The following PRDM6 variants were observed in gnomAD, a reference collection of about 807,000 sequenced individuals.
PRDM6 encodes the protein PR/SET domain 6, also known as putative histone-lysine N-methyltransferase PRDM6.
In PRDM6, 25 loss-of-function variants were observed where a neutral mutation model predicts 60.8. That is an observed-to-expected ratio of 0.41 (90% CI 0.30 to 0.57). The LOEUF (loss-of-function observed/expected upper bound fraction) is 0.57. Ranked by LOEUF, PRDM6 falls within the 20% of genes least tolerant of loss-of-function variation. PRDM6 has a pLI of 0.27. For missense variants in PRDM6, 839 were observed against 821.3 expected (o/e 1.02, Z -0.26); for synonymous variants, 407 against 357.4 (o/e 1.14, Z -1.57).
At chr5:123,142,786 G>A (rs1374333387) in intron 3 of PRDM6, among the ~76,000 whole-genome samples, 1 of 146,974 alleles carries the variant, frequency 6.8e-6, no homozygotes, top group Non-Finnish European at 1.5e-5. Flanking sequence ...TGCTTTTCTA[G>A]CGATCCTGAA....
chr5:123,108,848 G>T (rs558693127), intron 3 of PRDM6, among the ~76,000 whole-genome samples: 2 of 152,198 alleles, frequency 1.3e-5, no homozygotes, highest in Admixed American at 1.3e-4. Flanking sequence ...TTTGGTAAAA[G>T]ATATTTGCAC....
intron 3 of PRDM6, among the ~76,000 whole-genome samples, chr5:123,147,027 A>G (rs1561852741): frequency 6.6e-6 from 1 of 152,204 alleles, no homozygotes; most frequent in Non-Finnish European, 1.5e-5. Context: ...TTATTTTTAC[A>G]GAGCTCTCTC....
chr5:123,138,001 T>G (rs387435), intron 3 of PRDM6, among the ~76,000 whole-genome samples: 49,344 of 147,950 alleles, frequency 0.33, 8,449 homozygotes, highest in Middle Eastern at 0.38. Context: ...TGCTGAAGTA[T>G]GGGAAATCCT....
intron 2 of PRDM6, among the ~76,000 whole-genome samples, chr5:123,092,217 AT>A (rs1763857765): frequency 6.6e-6 from 1 of 152,234 alleles, no homozygotes; most frequent in Non-Finnish European, 1.5e-5. Context: ...CTCCTACTGA[AT>A]TTCTTGAATG....
At chr5:123,160,385 G>T (rs1441740198) in intron 5 of PRDM6, among the ~76,000 whole-genome samples, 1 of 152,174 alleles carries the variant, frequency 6.6e-6, no homozygotes, top group African/African-American at 2.4e-5. Context: ...AGGTTATTCT[G>T]ATATGCTTCA....
intron 3 of PRDM6, 133 bp downstream of exon 3, chr5:123,100,094 C>T (rs2150208041): frequency 1.0e-6 from 1 of 966,596 alleles, no homozygotes; most frequent in South Asian, 1.9e-5. Flanking sequence ...CAGAGGGTAG[C>T]GGAGAATAGA....
chr5:123,125,114 A>C (rs1764663900), intron 3 of PRDM6, among the ~76,000 whole-genome samples: 1 of 137,510 alleles, frequency 7.3e-6, no homozygotes, highest in African/African-American at 2.8e-5. Flanking sequence ...CCCTCCTAGT[A>C]CCTTGCTCAA....
At chr5:123,183,038 G>A (rs1168471613) in intron 7 of PRDM6, among the ~76,000 whole-genome samples, 1 of 152,208 alleles carries the variant, frequency 6.6e-6, no homozygotes, top group East Asian at 1.9e-4. Flanking sequence ...TAAATATTAT[G>A]AAGATATCCT....
rs191802552 is a variant in PRDM6 at position 123,125,729 on chromosome 5, G to T, written c.900+25768G>T. On this transcript the variant is annotated intron_variant, in intron 3 of 7. Transcript: ENST00000407847. ...TGACTTTTTGGGGGACTTCCAATAG[G>T]AGAGACTTGAAAAGTTGGAAAAGAA... is the stretch of plus-strand genomic sequence containing the variant. Among the ~76,000 whole-genome samples, 17 of 152,304 alleles carry T rather than the reference G, an allele frequency of 1.1e-4. No homozygotes were observed. In the East Asian group the frequency reaches 2.7e-3, roughly 24 times the overall value.
At chr5:123,175,276 C>T (rs561719372) in intron 6 of PRDM6, among the ~76,000 whole-genome samples, 42 of 152,156 alleles carry the variant, frequency 2.8e-4, no homozygotes, top group Admixed American at 2.3e-3. Context: ...TCCTTTTTGA[C>T]TGTTTGTGCC....
intron 7 of PRDM6, among the ~76,000 whole-genome samples, chr5:123,181,387 T>C (rs1214472146): frequency 6.6e-6 from 1 of 152,116 alleles, no homozygotes; most frequent in Admixed American, 6.5e-5. Context: ...TCAGATATGT[T>C]TTGAAGGATA....
chr5:123,089,892 G>A (rs947802825), intron 1 of PRDM6, 108 bp from the exon 2 acceptor site: 5 of 813,696 alleles, frequency 6.1e-6, no homozygotes, highest in South Asian at 3.7e-5. Context: ...CCGGGCGGCC[G>A]CCGGCTGAAC....
At chr5:123,147,469 G>A (rs1580517839) in intron 3 of PRDM6, among the ~76,000 whole-genome samples, 1 of 152,196 alleles carries the variant, frequency 6.6e-6, no homozygotes. Flanking sequence ...AAAAAGATAG[G>A]TTTGTAGCAG....
chr5:123,131,549 T>TAC (rs1232368063), intron 3 of PRDM6, among the ~76,000 whole-genome samples: 1 of 152,236 alleles, frequency 6.6e-6, no homozygotes, highest in Non-Finnish European at 1.5e-5. Context: ...ACTTTGCACA[T>TAC]ACTATCCACC....
intron 3 of PRDM6, among the ~76,000 whole-genome samples, chr5:123,141,200 C>T (rs1477414284): frequency 6.6e-6 from 1 of 151,712 alleles, no homozygotes; most frequent in Non-Finnish European, 1.5e-5. Context: ...TATTTCCTCC[C>T]TTTAAAATAT....
At chr5:123,135,100 A>G (rs1456831607) in intron 3 of PRDM6, among the ~76,000 whole-genome samples, 3 of 152,128 alleles carry the variant, frequency 2.0e-5, no homozygotes, top group Admixed American at 6.5e-5. Context: ...CAGGTTCATG[A>G]TCACCTCAGA....
chr5:123,107,495 A>G (rs1764221981), intron 3 of PRDM6, among the ~76,000 whole-genome samples: 1 of 152,238 alleles, frequency 6.6e-6, no homozygotes, highest in Non-Finnish European at 1.5e-5. Flanking sequence ...CTGAAATATC[A>G]GAAATGGGCA....
rs1034654318 is a variant in PRDM6 at position 123,090,342 on chromosome 5, G to T, written c.328G>T (p.Ala110Ser). 36 of 1,476,236 alleles carry T rather than the reference G, an allele frequency of 2.4e-5. No homozygotes were observed. Among genetic ancestry groups the T allele is most frequent in the Non-Finnish European group, 3.2e-5 (36 of 1,118,134 alleles). The allele number at this position is 1,476,236 out of a possible 1,614,324, so 91.4% of individuals were successfully genotyped here. ...TGCCGCCGCGCTGGCTGGTCTCTCG[G>T]CCCTGCCGGTGTCGCAGCTGCCGGT... Reference protein sequence around the residue: ...AAAAALAGLSALPVSQLPVFA... With the variant: ...AAAAALAGLSSLPVSQLPVFA... Residue 110 changes from alanine to serine, a missense_variant, in exon 2 of 8, where the codon GCC (alanine) becomes TCC (serine). Physicochemically the swap from Ala to Ser is moderately conservative, Grantham distance 99. Coordinates refer to ENST00000407847, the MANE Select transcript of PRDM6 (RefSeq NM_001136239.4).
intron 3 of PRDM6, among the ~76,000 whole-genome samples, chr5:123,140,587 T>C (rs1168899707): frequency 6.6e-6 from 1 of 152,020 alleles, no homozygotes; most frequent in Non-Finnish European, 1.5e-5. Context: ...GATGTTGACA[T>C]GTATTAAATT....
Sources: allele counts gnomAD v4.1 joint callset (sites outside exome capture counted in the v4.1 genomes callset), GRCh38; gene constraint gnomAD v4.1.1; transcripts MANE v1.5; gene names NCBI Gene and HGNC (gene_info 2026-07-23, HGNC 2026-07-21).